Variants in SIPA1L1 observed in about 807,000 individuals in gnomAD.
The protein encoded by SIPA1L1 is signal-induced proliferation-associated 1-like protein 1.
A neutral mutation model predicts 162.7 loss-of-function variants in SIPA1L1; 26 were observed. The observed-to-expected ratio is 0.16, with a 90% confidence interval of 0.12 to 0.22. SIPA1L1 has a LOEUF of 0.22. Ranked by LOEUF, SIPA1L1 falls within the 10% of genes least tolerant of loss-of-function variation. SIPA1L1 has a pLI of 1.00. For missense variants in SIPA1L1, 1,874 were observed against 2,241.0 expected (o/e 0.84, Z 3.31); for synonymous variants, 829 against 837.4 (o/e 0.99, Z 0.17).
At chr14:71,450,998 A>G (rs554551164) in intron 2 of SIPA1L1, among the ~76,000 whole-genome samples, 5 of 152,318 alleles carry the variant, frequency 3.3e-5, no homozygotes, top group African/African-American at 7.2e-5. Flanking sequence ...TATGGAATCA[A>G]TCTAAGTGTC....
chr14:71,732,710 A>G (rs2084912545), intron 20 of SIPA1L1, among the ~76,000 whole-genome samples: 1 of 152,226 alleles, frequency 6.6e-6, no homozygotes, highest in South Asian at 2.1e-4. Context: ...TGATGACTGC[A>G]TCCTAGAGAA....
intron 4 of SIPA1L1, among the ~76,000 whole-genome samples, chr14:71,549,765 G>T (rs1286009534): frequency 6.6e-6 from 1 of 152,168 alleles, no homozygotes; most frequent in Non-Finnish European, 1.5e-5. Flanking sequence ...CTTGCCCTCA[G>T]AGAGTTTTTG....
intron 2 of SIPA1L1, among the ~76,000 whole-genome samples, chr14:71,469,567 C>A (rs1158448784): frequency 6.6e-6 from 1 of 152,096 alleles, no homozygotes; most frequent in Non-Finnish European, 1.5e-5. Flanking sequence ...CTCTGCTCAT[C>A]GTAGCGAAGA....
Position 71,671,362 on chromosome 14 carries a change from G to T in SIPA1L1, c.2499G>T (p.Pro833=). The T allele has an allele frequency of 1.2e-6, 2 of 1,614,168 alleles. No homozygotes were observed. The highest frequency in any genetic ancestry group is 1.7e-6 in the Non-Finnish European group (2 of 1,180,026). The change falls in exon 11 of 24, where the codon CCG becomes CCT. Residue 833 remains proline, a synonymous_variant. Coordinates refer to ENST00000381232, the MANE Select transcript of SIPA1L1 (RefSeq NM_001386936.1). ...CTATCGACCCTTCTGGCAAGTTTCCGTTCATCTCTCTGGCTTCCAAGAAGA... is the reference window on the plus strand; with the variant it reads ...CTATCGACCCTTCTGGCAAGTTTCCTTTCATCTCTCTGGCTTCCAAGAAGA... ...NTPIDPSGKF[P]FISLASKKKE... is the part of the protein sequence containing the mutation.
intron 2 of SIPA1L1, among the ~76,000 whole-genome samples, chr14:71,495,886 C>CAAAAAAAA (rs61183823): frequency 4.5e-4 from 17 of 38,012 alleles, no homozygotes; most frequent in East Asian, 2.0e-3. Flanking sequence ...TCCATCTCTA[C>CAAAAAAAA]AAAAAAAAAA....
intron 4 of SIPA1L1, among the ~76,000 whole-genome samples, chr14:71,572,406 A>G (rs2032249617): frequency 6.6e-6 from 1 of 152,146 alleles, no homozygotes. Context: ...GCATGCTAAG[A>G]CTCAAAGCTT....
chr14:71,730,408 C>T lies in SIPA1L1; in HGVS notation c.4861+107C>T, dbSNP rs1001645560. The stretch of plus-strand genomic sequence containing the variant: ...CAGAGAGGGGTCCTGTATCCATGCT[C>T]AGATGGTCTCAGCTCACCCGCCCCT... On this transcript the variant is annotated intron_variant, in intron 20 of 23. Coordinates refer to ENST00000381232, the MANE Select transcript of SIPA1L1 (RefSeq NM_001386936.1). The T allele has an allele frequency of 7.8e-6, 10 of 1,278,704 alleles. No individual in the cohort carries two copies. The South Asian group carries it at 9.5e-5, about 12-fold the overall frequency. The allele number at this position is 1,278,704 out of a possible 1,614,324, so 79.2% of individuals were successfully genotyped here. A position where few individuals can be genotyped will look rare whatever the true frequency, so the allele number is the denominator to read the frequency against.
chr14:71,387,476 G>C (rs2040429632), intron 2 of SIPA1L1, among the ~76,000 whole-genome samples: 1 of 151,974 alleles, frequency 6.6e-6, no homozygotes, highest in Admixed American at 6.6e-5. Context: ...GTTAGCTAAA[G>C]GTCACATCTT....
At chr14:71,494,194 G>GT (rs2049525673) in intron 2 of SIPA1L1, among the ~76,000 whole-genome samples, 1 of 152,178 alleles carries the variant, frequency 6.6e-6, no homozygotes, top group Non-Finnish European at 1.5e-5. Context: ...GGACGTCCTT[G>GT]TTTTGTTCCT....
intron 2 of SIPA1L1, among the ~76,000 whole-genome samples, chr14:71,340,292 G>T (rs2035517352): frequency 6.6e-6 from 1 of 151,668 alleles, no homozygotes; most frequent in Admixed American, 6.6e-5. Context: ...CAGAGTTGGT[G>T]TGTGACCCAT....
At chr14:71,593,674 C>A (rs1438157120) in intron 5 of SIPA1L1, among the ~76,000 whole-genome samples, 1 of 152,172 alleles carries the variant, frequency 6.6e-6, no homozygotes, top group African/African-American at 2.4e-5. Flanking sequence ...TGTGGCCCCA[C>A]AGGACTTCTT....
rs1200417248 is a variant in SIPA1L1 at position 71,587,832 on chromosome 14, G to T, written c.-41G>T. The T allele has an allele frequency of 1.1e-5, 17 of 1,556,246 alleles. No homozygotes were observed. Among genetic ancestry groups the T allele is most frequent in the Non-Finnish European group, 1.0e-5 (12 of 1,143,312 alleles). On this transcript the variant is annotated 5_prime_UTR_variant, in exon 5 of 24. The change abolishes an upstream ATG in the 5' untranslated region. Transcript: ENST00000381232. The stretch of plus-strand genomic sequence containing the variant: ...TGCACATTTAAAACACAGATATGAT[G>T]GTCCTTGCTGCAGGGATTTAAGTCT...
At chr14:71,374,139 A>G (rs781589661) in intron 2 of SIPA1L1, among the ~76,000 whole-genome samples, 6 of 152,336 alleles carry the variant, frequency 3.9e-5, no homozygotes, top group African/African-American at 7.2e-5. Context: ...TCCCATGGGC[A>G]TATTGTATAT....
intron 12 of SIPA1L1, among the ~76,000 whole-genome samples, chr14:71,680,054 T>A (rs2045641101): frequency 6.6e-6 from 1 of 152,216 alleles, no homozygotes; most frequent in African/African-American, 2.4e-5. Flanking sequence ...ATCCAGGAAT[T>A]GAACTCTGCA....
intron 5 of SIPA1L1, among the ~76,000 whole-genome samples, chr14:71,600,836 TG>T (rs1393149667): frequency 3.2e-4 from 48 of 152,302 alleles, no homozygotes; most frequent in African/African-American, 1.1e-3. Flanking sequence ...TCTTGTTTTT[TG>T]TTTTTGTTTT....
At chr14:71,651,248 C>A (rs1309010195) in intron 8 of SIPA1L1, among the ~76,000 whole-genome samples, 2 of 152,142 alleles carry the variant, frequency 1.3e-5, no homozygotes, top group Non-Finnish European at 2.9e-5. Context: ...TAAATTTTAT[C>A]TTTAAATTCA....
At chr14:71,454,609 C>T (rs774636724) in intron 2 of SIPA1L1, among the ~76,000 whole-genome samples, 12 of 152,034 alleles carry the variant, frequency 7.9e-5, no homozygotes, top group Non-Finnish European at 1.5e-4. Context: ...GAACTATCTT[C>T]GAAGAATGGA....
At chr14:71,615,920 C>T (rs2038785788) in intron 5 of SIPA1L1, among the ~76,000 whole-genome samples, 1 of 152,180 alleles carries the variant, frequency 6.6e-6, no homozygotes, top group African/African-American at 2.4e-5. Context: ...CGCTTGAACC[C>T]AGGAGGCAGA....
chr14:71,344,180 G>C (rs2035929575), intron 2 of SIPA1L1, among the ~76,000 whole-genome samples: 2 of 152,156 alleles, frequency 1.3e-5, no homozygotes, highest in South Asian at 4.1e-4. Flanking sequence ...TTTAGGAATT[G>C]GATTTAATTG....
Sources: gnomAD v4.1 joint callset for allele counts (sites outside exome capture counted in the v4.1 genomes callset) on GRCh38, gnomAD v4.1.1 for gene constraint, MANE v1.5 for transcripts, NCBI Gene and HGNC (gene_info 2026-07-23, HGNC 2026-07-21) for gene names.